The following WWOX variants were observed in gnomAD, a reference collection of about 807,000 sequenced individuals.
The protein encoded by WWOX is WW domain containing oxidoreductase.
In WWOX, 69 loss-of-function variants were observed where a neutral mutation model predicts 46.2. That is an observed-to-expected ratio of 1.49 (90% CI 1.23 to 1.82). WWOX has a LOEUF of 1.82. WWOX is among the 40% of genes most tolerant of loss of function. The pLI is 0.00. For missense variants in WWOX, 919 were observed against 542.6 expected, an observed-to-expected ratio of 1.69 and a Z score of -6.89; for synonymous variants, 359 against 202.6, an observed-to-expected ratio of 1.77 and a Z score of -6.56.
chr16:78,623,903 A>G (rs1236519278), intron 8 of WWOX, among the ~76,000 whole-genome samples: 3 of 152,188 alleles, frequency 2.0e-5, no homozygotes, highest in Non-Finnish European at 2.9e-5. Context: ...AAATATCATC[A>G]GGAGCAGCTC....
intron 8 of WWOX, among the ~76,000 whole-genome samples, chr16:78,549,943 A>G (rs1003578519): frequency 6.6e-6 from 1 of 152,186 alleles, no homozygotes; most frequent in Non-Finnish European, 1.5e-5. Flanking sequence ...GAAAAAAAAG[A>G]AAAGTCAGGA....
At chr16:78,383,029 G>A (rs2081988057) in intron 5 of WWOX, among the ~76,000 whole-genome samples, 1 of 150,780 alleles carries the variant, frequency 6.6e-6, no homozygotes, top group African/African-American at 2.4e-5. Flanking sequence ...AGGGGGAGGT[G>A]ATATGCTCTT....
chr16:78,552,930 G>A, intron 8 of WWOX: 1 of 152,286 alleles, frequency 6.6e-6, no homozygotes, highest in African/African-American at 2.4e-5. Flanking sequence ...AGTTACCTGG[G>A]AAAGCCCCAG....
intron 8 of WWOX, among the ~76,000 whole-genome samples, chr16:78,464,322 G>A (rs541114392): frequency 4.6e-5 from 7 of 151,522 alleles, no homozygotes; most frequent in African/African-American, 1.5e-4. Context: ...GGAAAGAGGG[G>A]AAGGGAGGAA....
At chr16:79,191,361 C>G (rs1293257349) in intron 8 of WWOX, among the ~76,000 whole-genome samples, 3 of 152,204 alleles carry the variant, frequency 2.0e-5, no homozygotes, top group African/African-American at 7.2e-5. Context: ...CAGCCCATGA[C>G]TTCTCTTTAT....
At chr16:78,248,456 G>A (rs2037885009) in intron 5 of WWOX, among the ~76,000 whole-genome samples, 1 of 152,166 alleles carries the variant, frequency 6.6e-6, no homozygotes, top group African/African-American at 2.4e-5. Flanking sequence ...GGACATGAAG[G>A]CTGGGTGCGG....
chr16:78,865,361 C>G (rs568687779), intron 8 of WWOX, among the ~76,000 whole-genome samples: 1 of 151,978 alleles, frequency 6.6e-6, no homozygotes, highest in African/African-American at 2.4e-5. Flanking sequence ...AAAAGAAGTA[C>G]GTCAGGTGAA....
intron 8 of WWOX, among the ~76,000 whole-genome samples, chr16:78,810,439 A>G (rs2051158061): frequency 6.6e-6 from 1 of 152,246 alleles, no homozygotes; most frequent in Non-Finnish European, 1.5e-5. Context: ...GCTATCAAAT[A>G]TTACATGTCA....
At chr16:79,064,472 A>G (rs112918139) in intron 8 of WWOX, among the ~76,000 whole-genome samples, 8 of 152,338 alleles carry the variant, frequency 5.3e-5, no homozygotes, top group Non-Finnish European at 1.0e-4. Context: ...ATGCGTCGTC[A>G]TCATCACGTT....
chr16:78,882,108 A>T (rs1467931842), intron 8 of WWOX, among the ~76,000 whole-genome samples: 1 of 152,230 alleles, frequency 6.6e-6, no homozygotes, highest in East Asian at 1.9e-4. Flanking sequence ...CCTGGGTGAC[A>T]GAGCAAGAGT....
At chr16:78,706,058 G>GTTTTTTTTTTTTTTTTTTTTTTTTTTTT (rs3051058) in intron 8 of WWOX, among the ~76,000 whole-genome samples, 1 of 106,428 alleles carries the variant, frequency 9.4e-6, no homozygotes, top group Non-Finnish European at 1.8e-5. Flanking sequence ...GTTATGGCAG[G>GTTTTTTTTTTTTTTTTTTTTTTTTTTTT]TTTTTTTTTT....
chr16:79,160,399 G>C (rs530451068), intron 8 of WWOX, among the ~76,000 whole-genome samples: 1 of 152,180 alleles, frequency 6.6e-6, no homozygotes, highest in Admixed American at 6.5e-5. Context: ...CATTCCCCTA[G>C]ACAAATCACA....
intron 8 of WWOX, among the ~76,000 whole-genome samples, chr16:79,193,974 T>A (rs530224806): frequency 6.6e-6 from 1 of 152,190 alleles, no homozygotes; most frequent in Non-Finnish European, 1.5e-5. Flanking sequence ...TGTGTAGATT[T>A]GCACATGTTG....
At chr16:78,776,427 T>A (rs1263809714) in intron 8 of WWOX, among the ~76,000 whole-genome samples, 1 of 152,150 alleles carries the variant, frequency 6.6e-6, no homozygotes, top group Non-Finnish European at 1.5e-5. Flanking sequence ...TCGTCAGTTT[T>A]CTCATCTGTA....
At chr16:79,076,554 G>A (rs908366475) in intron 8 of WWOX, among the ~76,000 whole-genome samples, 12 of 152,128 alleles carry the variant, frequency 7.9e-5, no homozygotes, top group African/African-American at 1.2e-4. Flanking sequence ...CTAACTCTCC[G>A]ATGAGCTCTG....
chr16:78,251,875 G>A (rs1300829242), intron 5 of WWOX, among the ~76,000 whole-genome samples: 1 of 152,134 alleles, frequency 6.6e-6, no homozygotes, highest in Non-Finnish European at 1.5e-5. Flanking sequence ...GTTATGTGTG[G>A]ATTTCATTTA....
chr16:78,666,853 G>A (rs576589373), intron 8 of WWOX, among the ~76,000 whole-genome samples: 22 of 152,252 alleles, frequency 1.4e-4, no homozygotes, highest in African/African-American at 4.6e-4. Flanking sequence ...AGCGTTCTAC[G>A]AAGGCTTCCT....
At chr16:78,430,972 G>T (rs59354579) in intron 7 of WWOX, among the ~76,000 whole-genome samples, 46 of 152,280 alleles carry the variant, frequency 3.0e-4, no homozygotes, top group African/African-American at 1.1e-3. Flanking sequence ...TTCCATAGCA[G>T]TTATCTAGAG....
chr16:78,115,827 CA>C (rs1323274830), intron 4 of WWOX, among the ~76,000 whole-genome samples: 1 of 152,100 alleles, frequency 6.6e-6, no homozygotes, highest in Non-Finnish European at 1.5e-5. Context: ...GTATCTGAAT[CA>C]GTGAGAACCA....
Sources: allele counts gnomAD v4.1 joint callset (sites outside exome capture counted in the v4.1 genomes callset), GRCh38; gene constraint gnomAD v4.1.1; transcripts MANE v1.5; gene names NCBI Gene and HGNC (gene_info 2026-07-23, HGNC 2026-07-21).